The following PPP1R8 variants were observed in gnomAD, a reference collection of about 807,000 sequenced individuals.
PPP1R8 encodes the protein nuclear inhibitor of protein phosphatase 1.
In PPP1R8, 4 loss-of-function variants were observed where a neutral mutation model predicts 31.3. That is an observed-to-expected ratio of 0.13 (90% CI 0.06 to 0.29). The LOEUF (loss-of-function observed/expected upper bound fraction) is 0.29, where lower values mean the gene tolerates loss of function less well. PPP1R8 is among the 10% of genes least tolerant of loss of function. PPP1R8 has a pLI of 1.00. For missense variants in PPP1R8, 254 were observed against 440.1 expected (o/e 0.58, Z 3.78); for synonymous variants, 170 against 169.7 (o/e 1.00, Z -0.01).
intron 2 of PPP1R8, among the ~76,000 whole-genome samples, chr1:27,836,760 G>A (rs1199046145): frequency 1.3e-5 from 2 of 152,026 alleles, no homozygotes; most frequent in East Asian, 3.9e-4. Flanking sequence ...GGTCTAGCAC[G>A]GTGGCTAACA....
chr1:27,840,823 T>A (rs2089215543), intron 3 of PPP1R8, among the ~76,000 whole-genome samples, 191 bp from the exon 4 acceptor site: 1 of 152,146 alleles, frequency 6.6e-6, no homozygotes, highest in Non-Finnish European at 1.5e-5. Flanking sequence ...TTTCATTTTT[T>A]AAAAAGCTGG....
At chr1:27,840,977 G>GT in intron 3 of PPP1R8, 37 bp from the exon 4 acceptor site, 1 of 1,602,662 alleles carries the variant, frequency 6.2e-7, no homozygotes, top group Non-Finnish European at 8.5e-7. Context: ...GGTTGTTTTT[G>GT]TTTTCCCCCT....
chr1:27,838,061 A>C (rs2089187787), intron 2 of PPP1R8, among the ~76,000 whole-genome samples: 1 of 151,608 alleles, frequency 6.6e-6, no homozygotes, highest in Non-Finnish European at 1.5e-5. Context: ...GATACAAAAA[A>C]TTAGCCGGGC....
chr1:27,851,441 C>A lies in PPP1R8; in HGVS notation c.*995C>A. 1 of 425,004 alleles carries A rather than the reference C, an allele frequency of 2.4e-6. No homozygotes were observed. Among genetic ancestry groups the A allele is most frequent in the South Asian group, 1.7e-5 (1 of 60,158 alleles). The allele number at this position is 425,004 out of a possible 1,614,324, so 26.3% of individuals were successfully genotyped here. ...TACAAGCTTTGTACAGAGATTTGTA[C>A]ATTTGTGTAATAGGCCTTTTCATGC... is the stretch of plus-strand genomic sequence containing the variant. On this transcript the variant is annotated 3_prime_UTR_variant, in exon 7 of 7. Transcript: ENST00000311772.
At chr1:27,832,929 C>A (rs2089125594) in intron 2 of PPP1R8, 113 bp downstream of exon 2, 3 of 890,086 alleles carry the variant, frequency 3.4e-6, no homozygotes, top group East Asian at 5.2e-5. Flanking sequence ...TACTTTCTTT[C>A]ATCCTGATTT....
In PPP1R8 at chr1:27,850,472, G is replaced by C. The variant is rs1380853217; in HGVS notation, c.*26G>C. 2.1e-6 allele frequency: 1 copy of C among 477,674 alleles called. No homozygotes were observed. The highest frequency in any genetic ancestry group is 4.3e-6 in the Non-Finnish European group (1 of 231,090). The allele number at this position is 477,674 out of a possible 1,614,324, so 29.6% of individuals were successfully genotyped here. ...TATTTTTGGTCATGGAGAAGGGTGG[G>C]ATTGGGTGGGAATGGGGTGGAAGGG... On this transcript the variant is annotated 3_prime_UTR_variant, in exon 7 of 7. Transcript: ENST00000311772.
At chr1:27,830,937 G>C (rs754882019) in intron 1 of PPP1R8, 46 bp downstream of exon 1, 2 of 1,502,792 alleles carry the variant, frequency 1.3e-6, no homozygotes, top group African/African-American at 1.4e-5. Flanking sequence ...GCCGGAGCTA[G>C]CCTGGGCTGG....
intron 2 of PPP1R8, chr1:27,834,313 A>G (rs767668358): frequency 1.1e-5 from 5 of 439,942 alleles, no homozygotes; most frequent in African/African-American, 2.0e-5. Flanking sequence ...GAGTTGCCAC[A>G]AAGTTGTCAA....
intron 4 of PPP1R8, 60 bp downstream of exon 4, chr1:27,841,294 G>A: frequency 6.4e-7 from 1 of 1,560,384 alleles, no homozygotes; most frequent in Non-Finnish European, 8.8e-7. Context: ...GGAGTATACA[G>A]CTGTTCTATG....
chr1:27,840,936 T>G, intron 3 of PPP1R8, 78 bp from the exon 4 acceptor site: 1 of 1,441,610 alleles, frequency 6.9e-7, no homozygotes. Context: ...GATAAGAGAG[T>G]TGGCGATCAT....
At chr1:27,840,237 G>A (rs2089210197) in intron 3 of PPP1R8, among the ~76,000 whole-genome samples, 1 of 152,136 alleles carries the variant, frequency 6.6e-6, no homozygotes, top group Non-Finnish European at 1.5e-5. Flanking sequence ...AGTGTAAAAT[G>A]TAAAGGGTCC....
chr1:27,841,298 T>C (rs1407518459), intron 4 of PPP1R8, 64 bp downstream of exon 4: 10 of 1,529,608 alleles, frequency 6.5e-6, no homozygotes, highest in African/African-American at 5.5e-5. Context: ...TATACAGCTG[T>C]TCTATGTAGC....
chr1:27,832,478 C>A (rs374941319), intron 1 of PPP1R8, among the ~76,000 whole-genome samples: 39 of 152,312 alleles, frequency 2.6e-4, no homozygotes, highest in African/African-American at 9.1e-4. Context: ...CTATGCAGTT[C>A]TTTCTCTGAG....
In PPP1R8 at chr1:27,850,454, G is replaced by T; in HGVS notation, c.*8G>T. The T allele has an allele frequency of 6.6e-7, 1 of 1,508,980 alleles. No individual in the cohort carries two copies. Among genetic ancestry groups the T allele is most frequent in the South Asian group, 1.2e-5 (1 of 85,214 alleles). The allele number at this position is 1,508,980 out of a possible 1,614,324, so 93.5% of individuals were successfully genotyped here. A position where few individuals can be genotyped will look rare whatever the true frequency, so the allele number is the denominator to read the frequency against. On this transcript the variant is annotated 3_prime_UTR_variant, in exon 7 of 7. Transcript: ENST00000311772. The stretch of plus-strand genomic sequence containing the variant: ...CCTTCCTTGCTGATTTGATATTTTT[G>T]GTCATGGAGAAGGGTGGGATTGGGT...
chr1:27,834,603 C>A (rs779981159), intron 2 of PPP1R8: 64 of 506,702 alleles, frequency 1.3e-4, no homozygotes, highest in Admixed American at 3.8e-4. Context: ...CAAGAAGCTA[C>A]GGCTTTAGTG....
intron 6 of PPP1R8, among the ~76,000 whole-genome samples, chr1:27,849,042 C>G (rs1366713795): frequency 6.6e-6 from 1 of 152,176 alleles, no homozygotes; most frequent in African/African-American, 2.4e-5. Flanking sequence ...ATTTTCTTCA[C>G]TGTAGATTGG....
chr1:27,836,212 A>G (rs964595930), intron 2 of PPP1R8, among the ~76,000 whole-genome samples: 6 of 152,236 alleles, frequency 3.9e-5, no homozygotes, highest in Admixed American at 3.3e-4. Flanking sequence ...GGAAAAACAC[A>G]ACATACCCAA....
At chr1:27,831,037 C>T in intron 1 of PPP1R8, 146 bp downstream of exon 1, 6 of 1,397,206 alleles carry the variant, frequency 4.3e-6, no homozygotes, top group Non-Finnish European at 5.6e-6. Context: ...CTGCACCGGG[C>T]CGGGCGACGT....
chr1:27,831,185 T>TAA (rs1191976769), intron 1 of PPP1R8: 1 of 1,177,324 alleles, frequency 8.5e-7, no homozygotes, highest in East Asian at 4.8e-5. Context: ...GGCCCGAACT[T>TAA]ACGCCCAACT....
Sources: gnomAD v4.1 joint callset for allele counts (sites outside exome capture counted in the v4.1 genomes callset) on GRCh38, gnomAD v4.1.1 for gene constraint, MANE v1.5 for transcripts, NCBI Gene and HGNC (gene_info 2026-07-23, HGNC 2026-07-21) for gene names.